The following DLG2 variants were observed in gnomAD, a reference collection of about 807,000 sequenced individuals.
DLG2 encodes the protein disks large homolog 2.
Under a neutral mutation model 132.5 loss-of-function variants are expected in DLG2, and 45 were observed. That is an observed-to-expected ratio of 0.34 (90% confidence interval 0.27 to 0.44). The LOEUF is 0.44. Ranked by LOEUF, DLG2 falls within the 20% of genes least tolerant of loss-of-function variation. The probability of loss-of-function intolerance (pLI) is 1.00; values close to 1 mark genes in which losing one functional copy is unlikely to be tolerated. For synonymous variants in DLG2, 424 were observed against 419.6 expected (o/e 1.01, Z -0.13); for missense variants, 1,045 against 1,196.9 (o/e 0.87, Z 1.87).
At chr11:84,192,561 T>C (rs2096432564) in intron 8 of DLG2, among the ~76,000 whole-genome samples, 2 of 151,972 alleles carry the variant, frequency 1.3e-5, no homozygotes, top group Non-Finnish European at 1.5e-5. Context: ...AAATCCTGTC[T>C]CTAATAAAAA....
chr11:83,693,716 A>G (rs1281000496), intron 18 of DLG2: 1 of 152,138 alleles, frequency 6.6e-6, no homozygotes, highest in Non-Finnish European at 1.5e-5. Context: ...TTTGATTGCT[A>G]TTGTCTCTCT....
chr11:84,271,728 A>T (rs753076520), intron 7 of DLG2, among the ~76,000 whole-genome samples: 60 of 152,186 alleles, frequency 3.9e-4, no homozygotes, highest in Non-Finnish European at 6.6e-4. Flanking sequence ...AATAAATGTT[A>T]GTTCCTTTCT....
intron 4 of DLG2, among the ~76,000 whole-genome samples, chr11:85,267,717 T>G (rs1447804326): frequency 6.6e-6 from 1 of 152,232 alleles, no homozygotes; most frequent in Non-Finnish European, 1.5e-5. Context: ...TTATTTTCAT[T>G]TTATAGGGAA....
chr11:84,312,758 A>G (rs1456032136), intron 7 of DLG2, among the ~76,000 whole-genome samples: 2 of 152,172 alleles, frequency 1.3e-5, no homozygotes, highest in African/African-American at 4.8e-5. Flanking sequence ...CCACAGTAGT[A>G]GGAGAGATAT....
chr11:84,786,663 C>T (rs932401070), intron 6 of DLG2, among the ~76,000 whole-genome samples: 10 of 152,160 alleles, frequency 6.6e-5, no homozygotes, highest in African/African-American at 2.4e-4. Context: ...CTCCAATGAG[C>T]CATAACCAAT....
chr11:83,699,007 G>GA (rs1273427707), intron 18 of DLG2, among the ~76,000 whole-genome samples: 1 of 152,054 alleles, frequency 6.6e-6, no homozygotes, highest in African/African-American at 2.4e-5. Context: ...AGCAGGGGCA[G>GA]AAAAAAAATA....
intron 3 of DLG2, among the ~76,000 whole-genome samples, chr11:85,413,405 T>A (rs956749265): frequency 3.3e-5 from 5 of 152,258 alleles, no homozygotes; most frequent in South Asian, 2.1e-4. Context: ...CTCTTTAGTT[T>A]AATTAAGCCC....
intron 7 of DLG2, chr11:84,317,340 G>T (rs998544264): frequency 7.1e-7 from 1 of 1,407,782 alleles, no homozygotes; most frequent in Non-Finnish European, 9.2e-7. Context: ...CATTATCTGC[G>T]GGCTGGTAGC....
intron 14 of DLG2, among the ~76,000 whole-genome samples, chr11:83,942,577 T>C (rs915287386): frequency 9.9e-5 from 15 of 152,218 alleles, no homozygotes; most frequent in Non-Finnish European, 1.8e-4. Flanking sequence ...GCAATAGTTA[T>C]AAATCTGTAT....
At chr11:84,329,858 C>T (rs1461587943) in intron 7 of DLG2, among the ~76,000 whole-genome samples, 1 of 152,176 alleles carries the variant, frequency 6.6e-6, no homozygotes, top group East Asian at 1.9e-4. Context: ...CATTTACGCA[C>T]CTCATTTTTC....
chr11:85,093,307 TTG>T (rs1466103565), intron 6 of DLG2, among the ~76,000 whole-genome samples: 1 of 71,476 alleles, frequency 1.4e-5, no homozygotes, highest in Non-Finnish European at 2.4e-5. Flanking sequence ...AAGGGAGTTT[TTG>T]TTTTTTTTTT....
At chr11:84,184,385 T>C (rs1254150808) in intron 8 of DLG2, among the ~76,000 whole-genome samples, 1 of 152,022 alleles carries the variant, frequency 6.6e-6, no homozygotes, top group Non-Finnish European at 1.5e-5. Context: ...TTTTGAGAAG[T>C]GTCTGTTCAT....
chr11:83,605,795 A>G lies in DLG2; in HGVS notation c.1940+27416T>C, dbSNP rs10898145. On this transcript the variant is annotated intron_variant, in intron 19 of 27. Coordinates refer to ENST00000376104, the MANE Select transcript of DLG2 (RefSeq NM_001142699.3). ...CATGCAAGAGTACTTGCAGTGTTCCACTATTGTCCACAAATGTGAGAACTT... is the reference window on the plus strand; with the variant it reads ...CATGCAAGAGTACTTGCAGTGTTCCGCTATTGTCCACAAATGTGAGAACTT... Among the ~76,000 whole-genome samples, 20 of 152,264 alleles carry G rather than the reference A, an allele frequency of 1.3e-4. 1 individual carries two copies. In the South Asian group the frequency reaches 4.1e-3, roughly 32 times the overall value.
At chr11:84,277,991 T>C (rs148012902) in intron 7 of DLG2, among the ~76,000 whole-genome samples, 1,785 of 151,910 alleles carry the variant, frequency 0.012, 14 homozygotes, top group Middle Eastern at 0.017. Flanking sequence ...AATCCTGGCT[T>C]CAGGCAGTCC....
At chr11:84,285,706 A>G (rs115945865) in intron 7 of DLG2, among the ~76,000 whole-genome samples, 5 of 152,172 alleles carry the variant, frequency 3.3e-5, no homozygotes, top group Non-Finnish European at 7.3e-5. Flanking sequence ...CCACTGCCCT[A>G]TACCTTACTC....
chr11:85,185,338 T>C (rs1566979380), intron 4 of DLG2, among the ~76,000 whole-genome samples: 1 of 152,076 alleles, frequency 6.6e-6, no homozygotes, highest in African/African-American at 2.4e-5. Context: ...TACCTGATTT[T>C]GGAAGTCTTC....
At chr11:83,642,737 G>A (rs2066938875) in intron 18 of DLG2, among the ~76,000 whole-genome samples, 1 of 152,098 alleles carries the variant, frequency 6.6e-6, no homozygotes, top group African/African-American at 2.4e-5. Flanking sequence ...AGTAACTGAT[G>A]TATTATTATT....
chr11:83,508,187 C>A (rs540568177), intron 21 of DLG2, among the ~76,000 whole-genome samples: 1 of 151,802 alleles, frequency 6.6e-6, no homozygotes, highest in Admixed American at 6.6e-5. Flanking sequence ...CAGTATTAAC[C>A]GTCACAACTG....
At chr11:85,499,927 G>T (rs368112428) in intron 3 of DLG2, among the ~76,000 whole-genome samples, 1 of 152,074 alleles carries the variant, frequency 6.6e-6, no homozygotes, top group Non-Finnish European at 1.5e-5. Flanking sequence ...CAATAAACTA[G>T]GTATCAATGG....
Sources: gnomAD v4.1 joint callset for allele counts (sites outside exome capture counted in the v4.1 genomes callset) on GRCh38, gnomAD v4.1.1 for gene constraint, MANE v1.5 for transcripts, NCBI Gene and HGNC (gene_info 2026-07-23, HGNC 2026-07-21) for gene names.